HIVEP2: variants seen among roughly 807,000 people sequenced by gnomAD.
HIVEP2 encodes the protein transcription factor HIVEP2.
HIVEP2 carries 14 observed loss-of-function variants against 180.7 expected under a neutral mutation model. The observed-to-expected ratio is 0.08, with a 90% CI of 0.05 to 0.12. The LOEUF (loss-of-function observed/expected upper bound fraction) is 0.12. Among genes scored for constraint, HIVEP2 ranks in the 10% least tolerant of loss-of-function variants. The pLI is 1.00. For missense variants in HIVEP2, 2,579 were observed against 3,008.5 expected, an observed-to-expected ratio of 0.86 and a Z score of 3.34; for synonymous variants, 1,184 against 1,136.4, an observed-to-expected ratio of 1.04 and a Z score of -0.84.
rs550889926 is a variant in HIVEP2 at position 142,793,553 on chromosome 6, A to AAC, written c.-527-9940_-527-9939dup. ...CTAGTATATTTAGCAATTAAAAAGGAACTCCATGTTTTATAATTTATTAAT... is the reference window on the plus strand; with the variant it reads ...CTAGTATATTTAGCAATTAAAAAGGAACACTCCATGTTTTATAATTTATTAAT... On this transcript the variant is annotated intron_variant, in intron 2 of 9. Transcript: ENST00000367603. Among the ~76,000 whole-genome samples, 28 of 152,184 alleles carry AAC rather than the reference A, an allele frequency of 1.8e-4. No individual in the cohort carries two copies. In the East Asian group the frequency reaches 5.4e-3, roughly 29 times the overall value.
intron 1 of HIVEP2, among the ~76,000 whole-genome samples, chr6:142,862,946 TATA>T (rs1776039897): frequency 7.4e-6 from 1 of 134,790 alleles, no homozygotes; most frequent in Non-Finnish European, 1.5e-5. Context: ...TTACATATAA[TATA>T]ATATATATTG....
At chr6:142,912,767 C>T (rs1204835457) in intron 1 of HIVEP2, among the ~76,000 whole-genome samples, 3 of 152,200 alleles carry the variant, frequency 2.0e-5, no homozygotes, top group East Asian at 3.9e-4. Flanking sequence ...CTGTTTCATC[C>T]GGAAACCATC....
At chr6:142,932,439 T>C (rs1777961548) in intron 1 of HIVEP2, among the ~76,000 whole-genome samples, 1 of 152,028 alleles carries the variant, frequency 6.6e-6, no homozygotes, top group Admixed American at 6.6e-5. Context: ...GGAAAGTAAA[T>C]GGTAATAAGC....
At position 142,772,616 on chromosome 6, in the gene HIVEP2, T is replaced by C; in HGVS notation, c.2123A>G (p.Asp708Gly). The C allele has an allele frequency of 6.2e-7, 1 of 1,614,202 alleles. No homozygotes were observed. The highest frequency in any genetic ancestry group is 8.5e-7 in the Non-Finnish European group (1 of 1,180,042). Residue 708 changes from aspartate (D) to glycine (G), a missense_variant, in exon 5 of 10, where the codon GAC (aspartate) becomes GGC (glycine). Asp to Gly is a moderately conservative substitution (Grantham distance 94). This residue lies in a region of HIVEP2 where 524 missense variants were observed against 563.6 expected (regional missense o/e 0.93). Transcript: ENST00000367603. This position sits in a 1 kb window ranked among gnomAD's most constrained non-coding sequence, Gnocchi z 4.9. ...AATGCTGCTGCAGATCATGGGCGTG[T>C]CCTCTTCATCCCCTACGCTCTTCTC... is the stretch of plus-strand genomic sequence containing the variant. ...RKEKSVGDEE[D>G]TPMICSSIVS...
chr6:142,925,969 G>C (rs1019031462), intron 1 of HIVEP2, among the ~76,000 whole-genome samples: 1 of 152,158 alleles, frequency 6.6e-6, no homozygotes, highest in African/African-American at 2.4e-5. Flanking sequence ...GAGTCAACCA[G>C]GGACGTAATC....
At chr6:142,854,403 C>A (rs1775765977) in intron 1 of HIVEP2, among the ~76,000 whole-genome samples, 1 of 152,168 alleles carries the variant, frequency 6.6e-6, no homozygotes, top group South Asian at 2.1e-4. Flanking sequence ...GCTGCAATAA[C>A]TTTTTGGTAC....
At chr6:142,768,566 C>T in intron 5 of HIVEP2, 30 bp from the exon 6 acceptor site, 5 of 1,608,372 alleles carry the variant, frequency 3.1e-6, no homozygotes, top group East Asian at 4.5e-5. Flanking sequence ...AATCATTTCA[C>T]ATGCTTTCTC....
intron 2 of HIVEP2, among the ~76,000 whole-genome samples, chr6:142,787,435 T>C (rs1776028509): frequency 6.6e-6 from 1 of 152,010 alleles, no homozygotes; most frequent in South Asian, 2.1e-4. Flanking sequence ...ACTTTACTCT[T>C]ATAGTAGGGA....
Position 142,943,534 on chromosome 6 carries a change from A to G in HIVEP2, c.-641+1565T>C, listed in dbSNP as rs1778229675. ...TACAAAAGAAACAACTGTATTGAGG[A>G]GAAAAATCAATAGCCCTTGACTAGG... is the stretch of plus-strand genomic sequence containing the variant. On this transcript the variant is annotated intron_variant, in intron 1 of 9. Coordinates refer to ENST00000367603, the MANE Select transcript of HIVEP2 (RefSeq NM_006734.4). The surrounding 1 kb of genome is among the most constrained non-coding windows in gnomAD (Gnocchi z 4.5). Among the ~76,000 whole-genome samples the G allele has an allele frequency of 6.6e-6, 1 of 152,198 alleles. No individual in the cohort carries two copies. The highest frequency in any genetic ancestry group is 2.1e-4 in the South Asian group (1 of 4,828).
rs9386014 is a variant in HIVEP2 at position 142,920,670 on chromosome 6, G to T, written c.-641+24429C>A. Among the ~76,000 whole-genome samples, 1,750 of 152,274 alleles carry T rather than the reference G, an allele frequency of 0.011. 81 individuals carry two copies. In the East Asian group the frequency reaches 0.17, roughly 15 times the overall value. The stretch of plus-strand genomic sequence containing the variant: ...AGATAAAAAATTTTATACTCAGATT[G>T]ACTAGTCTGGATTAAAAATTTATTA... On this transcript the variant is annotated intron_variant, in intron 1 of 9. Coordinates refer to ENST00000367603, the MANE Select transcript of HIVEP2 (RefSeq NM_006734.4).
At chr6:142,888,113 A>G (rs963278845) in intron 1 of HIVEP2, among the ~76,000 whole-genome samples, 1 of 152,232 alleles carries the variant, frequency 6.6e-6, no homozygotes, top group African/African-American at 2.4e-5. Context: ...CTAGTTCACT[A>G]TCCTACGCCC....
chr6:142,911,139 TAAAAAAAAA>T (rs5880554), intron 1 of HIVEP2, among the ~76,000 whole-genome samples: 10 of 106,230 alleles, frequency 9.4e-5, no homozygotes, highest in African/African-American at 3.9e-4. Flanking sequence ...ACAAACACAT[TAAAAAAAAA>T]AAAAAAAAAA....
Position 142,770,041 on chromosome 6 carries a change from T to G in HIVEP2, c.4698A>C (p.Ser1566=), listed in dbSNP as rs957696970. The change falls in exon 5 of 10, where the codon TCA becomes TCC. Residue 1566 remains serine (S), a synonymous_variant. Transcript: ENST00000367603. The surrounding 1 kb of genome is among the most constrained non-coding windows in gnomAD (Gnocchi z 4.7). ...CCGTCTCATCGATATCTAATTCATC[T>G]GAAGATTCTTTGCTTTCAGAAGGCC... ...SSGPSESKES[S]DELDIDETAS... The G allele has an allele frequency of 4.3e-6, 7 of 1,614,116 alleles. No individual in the cohort carries two copies. The highest frequency in any genetic ancestry group is 5.9e-6 in the Non-Finnish European group (7 of 1,180,058).
intron 8 of HIVEP2, 62 bp downstream of exon 8, chr6:142,761,402 C>T: frequency 1.3e-6 from 1 of 777,502 alleles, no homozygotes; most frequent in South Asian, 1.6e-5. Context: ...TTTACTACCT[C>T]AGCCACAGAG....
intron 2 of HIVEP2, among the ~76,000 whole-genome samples, chr6:142,827,891 A>T (rs1774956674): frequency 6.6e-6 from 1 of 152,214 alleles, no homozygotes; most frequent in Non-Finnish European, 1.5e-5. Flanking sequence ...AACTTTGCCC[A>T]TTAAGGAGAA....
intron 9 of HIVEP2, among the ~76,000 whole-genome samples, chr6:142,755,844 A>G (rs961428405): frequency 2.6e-5 from 4 of 152,122 alleles, no homozygotes; most frequent in African/African-American, 9.7e-5. Flanking sequence ...GGCCACTTCC[A>G]CTGCTCCAAG....
chr6:142,882,477 G>A (rs1776597018), intron 1 of HIVEP2, among the ~76,000 whole-genome samples: 1 of 152,004 alleles, frequency 6.6e-6, no homozygotes, highest in African/African-American at 2.4e-5. Context: ...AGCCGGGAGT[G>A]GTAGTGAGCA....
At chr6:142,851,671 G>C (rs185191860) in intron 1 of HIVEP2, among the ~76,000 whole-genome samples, 124 of 152,300 alleles carry the variant, frequency 8.1e-4, no homozygotes, top group Non-Finnish European at 1.3e-3. Flanking sequence ...CATCCCTCTT[G>C]AAAATAGACA....
chr6:142,908,313 C>T lies in HIVEP2; in HGVS notation c.-641+36786G>A, dbSNP rs539453014. 7.5e-4 allele frequency among the ~76,000 whole-genome samples: 115 copies of T among 152,324 alleles called. 1 individual carries two copies. The highest frequency in any genetic ancestry group is 2.7e-3 in the African/African-American group (111 of 41,576). On this transcript the variant is annotated intron_variant, in intron 1 of 9. Coordinates refer to ENST00000367603, the MANE Select transcript of HIVEP2 (RefSeq NM_006734.4). ...CCATCGCTGCTTCTAAAGATGTTAACCAATCCTCAAGGTCCACATTTTCCA... is the reference window on the plus strand; with the variant it reads ...CCATCGCTGCTTCTAAAGATGTTAATCAATCCTCAAGGTCCACATTTTCCA...
Sources: allele counts gnomAD v4.1 joint callset (sites outside exome capture counted in the v4.1 genomes callset), GRCh38; gene constraint gnomAD v4.1.1; regional missense constraint gnomAD v4.1.1; non-coding constraint Gnocchi (gnomAD v3.1); transcripts MANE v1.5; gene names NCBI Gene and HGNC (gene_info 2026-07-23, HGNC 2026-07-21).